LMNTD2: variants seen among roughly 807,000 people sequenced by gnomAD.
The protein encoded by LMNTD2 is lamin tail domain containing 2, also known as lamin tail domain-containing protein 2.
LMNTD2 carries 83 observed loss-of-function variants against 70.1 expected under a neutral mutation model. That is an observed-to-expected ratio of 1.18 (90% CI 0.99 to 1.42). The LOEUF is 1.42. Among genes scored for constraint, LMNTD2 ranks in the 40% most tolerant of loss-of-function variants. The pLI is 0.00. For missense variants in LMNTD2, 1,153 were observed against 905.9 expected, an observed-to-expected ratio of 1.27 and a Z score of -3.50; for synonymous variants, 534 against 406.1, an observed-to-expected ratio of 1.31 and a Z score of -3.79.
chr11:558,522 G>T, intron 3 of LMNTD2, 92 bp downstream of exon 3: 1 of 1,450,930 alleles, frequency 6.9e-7, no homozygotes, highest in Non-Finnish European at 9.2e-7. Context: ...GTAAGGATCT[G>T]CCTCAGCGGT....
rs559456928 is a variant in LMNTD2 at position 555,734 on chromosome 11, C to T, written c.1574G>A (p.Gly525Glu). Residue 525 changes from glycine (G) to glutamate (E), a missense_variant and splice_region_variant, in exon 12 of 14, where the codon GGG (glycine) becomes GAG (glutamate). Coordinates refer to ENST00000329451, the MANE Select transcript of LMNTD2 (RefSeq NM_173573.3). ...REPRVSRRRP[G>E]TRGLLPPVSS... The stretch of plus-strand genomic sequence containing the variant: ...GATCCCGGGGACCCGCGGTCCCCAC[C>T]CTGGTCTCCGGCGACTGACCCGGGG... 8 of 1,399,146 alleles carry T rather than the reference C, an allele frequency of 5.7e-6. No homozygotes were observed. The African/African-American group carries it at 9.1e-5, about 16-fold the overall frequency. The allele number at this position is 1,399,146 out of a possible 1,614,324, so 86.7% of individuals were successfully genotyped here. A position where few individuals can be genotyped will look rare whatever the true frequency, so the allele number is the denominator to read the frequency against.
intron 7 of LMNTD2, 60 bp from the exon 8 acceptor site, chr11:557,157 C>G (rs1852942365): frequency 6.6e-7 from 1 of 1,506,874 alleles, no homozygotes; most frequent in Non-Finnish European, 8.9e-7. Flanking sequence ...CTGCCCCCGT[C>G]CAGCCTCACA....
At position 554,937 on chromosome 11, in the gene LMNTD2, C is replaced by T. The variant is rs1589824732; in HGVS notation, c.*43G>A. Reference sequence around the variant, plus strand: ...ACACAGCCCGCCCAGCCCCGGCGCCCGCCCGCGCCCTCCCTCGCGGTCCCG... The same window carrying T: ...ACACAGCCCGCCCAGCCCCGGCGCCTGCCCGCGCCCTCCCTCGCGGTCCCG... On this transcript the variant is annotated 3_prime_UTR_variant, in exon 14 of 14. Coordinates refer to ENST00000329451, the MANE Select transcript of LMNTD2 (RefSeq NM_173573.3). 6 of 1,425,876 alleles carry T rather than the reference C, an allele frequency of 4.2e-6. No homozygotes were observed. The highest frequency in any genetic ancestry group is 5.5e-5 in the East Asian group (2 of 36,072). The allele number at this position is 1,425,876 out of a possible 1,614,324, so 88.3% of individuals were successfully genotyped here.
chr11:556,772 TCA>T, intron 8 of LMNTD2, 61 bp downstream of exon 8: 2 of 1,473,996 alleles, frequency 1.4e-6, no homozygotes, highest in Non-Finnish European at 9.0e-7. Flanking sequence ...CTGAGTGAGA[TCA>T]CAGCTCTGAG....
chr11:560,499 G>A, intron 1 of LMNTD2, 184 bp downstream of exon 1: 1 of 1,263,354 alleles, frequency 7.9e-7, no homozygotes, highest in Non-Finnish European at 1.0e-6. Flanking sequence ...TGCGCGTCCA[G>A]ACTACTGCAG....
At chr11:555,222 GA>G (rs1207017812) in intron 13 of LMNTD2, 82 bp downstream of exon 13, 14 of 697,532 alleles carry the variant, frequency 2.0e-5, no homozygotes, top group African/African-American at 1.3e-4. Flanking sequence ...GGGACGAGGA[GA>G]CAGAGGGGAG....
At position 557,977 on chromosome 11, in the gene LMNTD2, G is replaced by A. The variant is rs374918625; in HGVS notation, c.462C>T (p.Ala154=). The change falls in exon 5 of 14, where the codon GCC becomes GCT. Residue 154 remains alanine, a synonymous_variant. Transcript: ENST00000329451. ...AGGACTTCTGCAAGTTCTGCAGCTC[G>A]GCCTCCATCTCCTGGAGCGTGCGGG... The part of the protein sequence containing the change: ...QTTRTLQEME[A]ELQNLQKSCL... 14 of 1,600,340 alleles carry A rather than the reference G, an allele frequency of 8.7e-6. No homozygotes were observed. The highest frequency in any genetic ancestry group is 6.7e-5 in the South Asian group (6 of 89,434).
chr11:556,878 C>G lies in LMNTD2; in HGVS notation c.933G>C (p.Glu311Asp). Reference sequence around the variant, plus strand: ...AGCTGCCGGCCTGCACCAGCGCTTGCTCGGAGGAAGCGCGGTGGTCCCGGG... The same window carrying G: ...AGCTGCCGGCCTGCACCAGCGCTTGGTCGGAGGAAGCGCGGTGGTCCCGGG... ...HPPRDHRASS[E>D]QALVQAGSYS... Residue 311 changes from glutamate to aspartate, a missense_variant, in exon 8 of 14, where the codon GAG becomes GAC. Glu to Asp is a conservative substitution (Grantham distance 45). Transcript: ENST00000329451. 6.3e-7 allele frequency: 1 copy of G among 1,593,702 alleles called. No individual in the cohort carries two copies. The highest frequency in any genetic ancestry group is 8.5e-7 in the Non-Finnish European group (1 of 1,171,212).
chr11:555,181 G>GA lies in LMNTD2; in HGVS notation c.1774-71_1774-70insT, dbSNP rs1491116415. 3 of 565,246 alleles carry GA rather than the reference G, an allele frequency of 5.3e-6. No homozygotes were observed. The African/African-American group carries it at 7.9e-5, about 15-fold the overall frequency. 35.0% of individuals were successfully genotyped at this position (565,246 alleles called of 1,614,324 possible). A position where few individuals can be genotyped will look rare whatever the true frequency, so the allele number is the denominator to read the frequency against. The stretch of plus-strand genomic sequence containing the variant: ...CGGGAGGGGAGGGGAGGGGAGGAGA[G>GA]GGGAGGGGCGGGGAGGAGAGCGGAG... On this transcript the variant is annotated intron_variant, in intron 13 of 13. Coordinates refer to ENST00000329451, the MANE Select transcript of LMNTD2 (RefSeq NM_173573.3).
In LMNTD2 at chr11:557,663, A is replaced by T; in HGVS notation, c.556-23T>A. On this transcript the variant is annotated intron_variant, in intron 5 of 13. Coordinates refer to ENST00000329451, the MANE Select transcript of LMNTD2 (RefSeq NM_173573.3). The stretch of plus-strand genomic sequence containing the variant: ...TACCTGCAAGAGGGGACCGGAAGCC[A>T]GTGGGCAGGGGCTGGGTGCTCCCCT... 5 of 1,613,000 alleles carry T rather than the reference A, an allele frequency of 3.1e-6. No homozygotes were observed. The South Asian group carries it at 5.5e-5, about 18-fold the overall frequency.
intron 1 of LMNTD2, chr11:560,278 G>T: frequency 1.9e-6 from 2 of 1,025,928 alleles, no homozygotes. Flanking sequence ...GGACAGTAGG[G>T]TAGGGGGTGA....
Position 557,416 on chromosome 11 carries a change from C to T in LMNTD2, c.696G>A (p.Glu232=), listed in dbSNP as rs768889768. ...RRYPNLFTNM[E]PSSKQKQPRP... is the part of the protein sequence containing the mutation. ...GCAGTTACTTTTGCTTTGAGCTGGG[C>T]TCCATGTTGGTGAAGAGGTTGGGAT... Residue 232 remains glutamate, a synonymous_variant, in exon 7 of 14, where the codon GAG becomes GAA. Transcript: ENST00000329451. The T allele has an allele frequency of 1.2e-6, 2 of 1,606,604 alleles. No individual in the cohort carries two copies. The highest frequency in any genetic ancestry group is 4.5e-5 in the East Asian group (2 of 44,642).
chr11:556,173 C>T lies in LMNTD2; in HGVS notation c.1257+19G>A, dbSNP rs1402969642. 3 of 1,330,698 alleles carry T rather than the reference C, an allele frequency of 2.3e-6. No homozygotes were observed. Among genetic ancestry groups the T allele is most frequent in the Non-Finnish European group, 2.9e-6 (3 of 1,048,992 alleles). 82.4% of individuals were successfully genotyped at this position (1,330,698 alleles called of 1,614,324 possible). A position where few individuals can be genotyped will look rare whatever the true frequency, so the allele number is the denominator to read the frequency against. On this transcript the variant is annotated intron_variant, in intron 10 of 13. Transcript: ENST00000329451. ...GCCGGGCCGGGCCGTCGGGGCCGGG[C>T]TCCCGGGCCGGGGCGCACCGTGACG...
chr11:556,012 A>C lies in LMNTD2; in HGVS notation c.1361T>G (p.Leu454Arg), dbSNP rs762529512. The change falls in exon 11 of 14, where the codon CTG becomes CGG. Residue 454 changes from leucine to arginine, a missense_variant. By Grantham distance (102) the Leu-to-Arg change is moderately radical. Coordinates refer to ENST00000329451, the MANE Select transcript of LMNTD2 (RefSeq NM_173573.3). ...CGCACCGACCTCGCCCTTGGGGCTC[A>C]GGAGCAGCGTCGCGCAGCCGCGGAT... ...LSIRGCATLL[L>R]SPKGEVLSEH... is the part of the protein sequence containing the mutation. The C allele has an allele frequency of 2.4e-5, 37 of 1,558,708 alleles. No individual in the cohort carries two copies. Among genetic ancestry groups the C allele is most frequent in the Middle Eastern group, 2.2e-4 (1 of 4,554 alleles).
chr11:555,207 G>GGGCGGGGAGGAGAGCGGAGT, intron 13 of LMNTD2, 96 bp from the exon 14 acceptor site: 1 of 553,660 alleles, frequency 1.8e-6, no homozygotes, highest in Non-Finnish European at 2.4e-6. Context: ...GAGAGCGGAG[G>GGGCGGGGAGGAGAGCGGAGT]GGAGGGGACG....
intron 8 of LMNTD2, 44 bp downstream of exon 8, chr11:556,791 G>T: frequency 1.3e-6 from 2 of 1,504,700 alleles, no homozygotes; most frequent in Admixed American, 2.1e-5. Context: ...TGAGGGGGTG[G>T]AGGGTGGGTG....
Position 558,142 on chromosome 11 carries a change from C to G in LMNTD2, c.399+19G>C, listed in dbSNP as rs1415442777. On this transcript the variant is annotated intron_variant, in intron 4 of 13. Coordinates refer to ENST00000329451, the MANE Select transcript of LMNTD2 (RefSeq NM_173573.3). ...CCCCAACACCAGGACCCTGCCCACTCCCTGTGCCCCTGCCTCACCCACTGG... is the reference window on the plus strand; with the variant it reads ...CCCCAACACCAGGACCCTGCCCACTGCCTGTGCCCCTGCCTCACCCACTGG... The G allele has an allele frequency of 3.1e-6, 5 of 1,612,528 alleles. No homozygotes were observed. The highest frequency in any genetic ancestry group is 4.2e-6 in the Non-Finnish European group (5 of 1,179,584).
chr11:560,737 G>A lies in LMNTD2; in HGVS notation c.-21C>T, dbSNP rs1368811906. ...CGCATTTCCGCGTTTTTCGCGGTAG[G>A]CGGGAGGTGGGGGCGGGGACTGCGG... On this transcript the variant is annotated 5_prime_UTR_variant, in exon 1 of 14. Transcript: ENST00000329451. The A allele has an allele frequency of 7.0e-7, 1 of 1,419,394 alleles. No homozygotes were observed. The highest frequency in any genetic ancestry group is 9.3e-7 in the Non-Finnish European group (1 of 1,080,526). 87.9% of individuals were successfully genotyped at this position (1,419,394 alleles called of 1,614,324 possible). A position where few individuals can be genotyped will look rare whatever the true frequency, so the allele number is the denominator to read the frequency against.
At chr11:559,125 C>T in intron 1 of LMNTD2, 146 bp from the exon 2 acceptor site, 1 of 1,481,260 alleles carries the variant, frequency 6.8e-7, no homozygotes, top group Non-Finnish European at 9.0e-7. Context: ...GTTGGAGCAG[C>T]CCAGGCGTCA....
Sources: allele counts gnomAD v4.1 joint callset, GRCh38; gene constraint gnomAD v4.1.1; transcripts MANE v1.5; gene names NCBI Gene and HGNC (gene_info 2026-07-23, HGNC 2026-07-21).